ROS1: variants seen among roughly 807,000 people sequenced by gnomAD.
ROS1 encodes the protein proto-oncogene tyrosine-protein kinase ROS.
ROS1 carries 263 observed loss-of-function variants against 273.5 expected under a neutral mutation model. The ratio of observed to expected loss-of-function variants is 0.96; its 90% CI spans 0.87 to 1.06. ROS1 has a LOEUF of 1.06. Among genes scored for constraint, ROS1 ranks in the 50% least tolerant of loss-of-function variants. The pLI is 0.00. For missense variants in ROS1, 2,833 were observed against 2,751.1 expected (o/e 1.03, Z -0.67); for synonymous variants, 1,008 against 954.1 (o/e 1.06, Z -1.04).
chr6:117,342,278 T>C, intron 29 of ROS1, 122 bp downstream of exon 29: 1 of 956,358 alleles, frequency 1.0e-6, no homozygotes, highest in Admixed American at 2.7e-5. Flanking sequence ...TTTTTCTTAT[T>C]AAACTTAAAA....
In ROS1 at chr6:117,389,351, G is replaced by C. The variant is rs2128703474; in HGVS notation, c.1785C>G (p.Ala595=). ...QWKPPALAIG[A]SPSAWQNWTY... ...CCACACTGGGGACAGAGCACTCACT[G>C]GCTCCTATGGCAAGGGCAGGAGGCT... The change falls in exon 13 of 44, where the codon GCC becomes GCG. Residue 595 remains alanine, a splice_region_variant and synonymous_variant. Transcript: ENST00000368507. 1 of 1,611,360 alleles carries C rather than the reference G, an allele frequency of 6.2e-7. No individual in the cohort carries two copies. The highest frequency in any genetic ancestry group is 8.5e-7 in the Non-Finnish European group (1 of 1,178,628).
chr6:117,394,532 T>A, intron 10 of ROS1, 84 bp downstream of exon 10: 1 of 1,181,158 alleles, frequency 8.5e-7, no homozygotes, highest in Admixed American at 2.8e-5. Flanking sequence ...CCAGAAATAT[T>A]CAAAAATTTT....
chr6:117,397,152 A>AT, intron 7 of ROS1, 36 bp from the exon 8 acceptor site: 1 of 1,321,358 alleles, frequency 7.6e-7, no homozygotes, highest in East Asian at 2.3e-5. Context: ...GAGCAGAAAA[A>AT]TGTGCAAGCA....
intron 18 of ROS1, among the ~76,000 whole-genome samples, chr6:117,371,178 A>G (rs941542005): frequency 6.6e-6 from 1 of 152,188 alleles, no homozygotes; most frequent in Admixed American, 6.5e-5. Context: ...ACATACCAGG[A>G]AAGCCGAGAG....
At chr6:117,291,872 A>G (rs184345209) in intron 43 of ROS1, among the ~76,000 whole-genome samples, 1 of 152,316 alleles carries the variant, frequency 6.6e-6, no homozygotes, top group Non-Finnish European at 1.5e-5. Flanking sequence ...GATTTTCTCA[A>G]GGGTCCGTGG....
At chr6:117,346,102 C>A (rs1778350679) in intron 27 of ROS1, among the ~76,000 whole-genome samples, 1 of 152,116 alleles carries the variant, frequency 6.6e-6, no homozygotes, top group African/African-American at 2.4e-5. Flanking sequence ...CTGATCTGAA[C>A]AGAGAATGGG....
intron 21 of ROS1, among the ~76,000 whole-genome samples, chr6:117,364,478 T>G (rs1341627311): frequency 6.6e-6 from 1 of 152,174 alleles, no homozygotes; most frequent in Non-Finnish European, 1.5e-5. Context: ...ATCAAGATAA[T>G]AAGACTTTCC....
intron 43 of ROS1, among the ~76,000 whole-genome samples, chr6:117,299,863 T>C (rs189759473): frequency 6.1e-4 from 93 of 152,230 alleles, no homozygotes; most frequent in South Asian, 1.4e-3. Context: ...TAAGTCTCTT[T>C]ACATTTAAGT....
chr6:117,316,141 G>A (rs9400996), intron 39 of ROS1, among the ~76,000 whole-genome samples: 54,265 of 151,902 alleles, frequency 0.36, 10,071 homozygotes, highest in Middle Eastern at 0.43. Flanking sequence ...TGTGTGTAGC[G>A]TGGTGAGGGA....
chr6:117,370,138 T>G (rs1307374304), intron 18 of ROS1, among the ~76,000 whole-genome samples: 2 of 152,166 alleles, frequency 1.3e-5, no homozygotes, highest in East Asian at 3.8e-4. Flanking sequence ...ACTTGGAGTT[T>G]TTCTACTTAC....
At chr6:117,383,907 T>C (rs955934359) in intron 16 of ROS1, among the ~76,000 whole-genome samples, 3 of 152,228 alleles carry the variant, frequency 2.0e-5, no homozygotes, top group African/African-American at 7.2e-5. Context: ...TCAGTGTAGT[T>C]CCCTAATATT....
chr6:117,343,955 C>A, intron 28 of ROS1, 105 bp downstream of exon 28: 2 of 919,514 alleles, frequency 2.2e-6, no homozygotes, highest in Non-Finnish European at 3.3e-6. Context: ...AAGTTGCGTA[C>A]TAGTCCATTT....
chr6:117,385,971 C>T (rs1247493018), intron 15 of ROS1, 110 bp from the exon 16 acceptor site: 8 of 782,794 alleles, frequency 1.0e-5, no homozygotes, highest in Middle Eastern at 7.3e-4. Context: ...AACACACTGA[C>T]ACATATTCAC....
At chr6:117,378,144 C>A (rs1205040197) in intron 18 of ROS1, among the ~76,000 whole-genome samples, 3 of 152,100 alleles carry the variant, frequency 2.0e-5, no homozygotes, top group Non-Finnish European at 4.4e-5. Context: ...CATCTATCTA[C>A]CCTATCACCC....
intron 35 of ROS1, among the ~76,000 whole-genome samples, 155 bp downstream of exon 35, chr6:117,324,177 G>C (rs1276804144): frequency 3.9e-5 from 6 of 152,078 alleles, no homozygotes; most frequent in African/African-American, 1.4e-4. Flanking sequence ...AGAAGTTAGT[G>C]GTTATAAATG....
chr6:117,375,924 T>C (rs1024953973), intron 18 of ROS1, among the ~76,000 whole-genome samples: 2 of 152,030 alleles, frequency 1.3e-5, no homozygotes, highest in Non-Finnish European at 2.9e-5. Flanking sequence ...TGAAAGAAAC[T>C]CATAGTTTTA....
chr6:117,338,889 G>A (rs1236812160), intron 31 of ROS1, among the ~76,000 whole-genome samples: 4 of 152,246 alleles, frequency 2.6e-5, no homozygotes, highest in African/African-American at 9.6e-5. Context: ...GAGTGAGGGG[G>A]AGTGTGAGCT....
In ROS1 at chr6:117,393,440, C is replaced by T. The variant is rs1773233329; in HGVS notation, c.1192-119G>A. 4 of 679,770 alleles carry T rather than the reference C, an allele frequency of 5.9e-6. No homozygotes were observed. In the Admixed American group the frequency reaches 7.8e-5, roughly 13 times the overall value. 42.1% of individuals were successfully genotyped at this position (679,770 alleles called of 1,614,324 possible). A position where few individuals can be genotyped will look rare whatever the true frequency, so the allele number is the denominator to read the frequency against. The stretch of plus-strand genomic sequence containing the variant: ...AATTGTACTAGGCACTGAGCACTGC[C>T]CAAGACAAATGAGCAAAAAAAAGCC... On this transcript the variant is annotated intron_variant, in intron 11 of 43. Coordinates refer to ENST00000368507, the MANE Select transcript of ROS1 (RefSeq NM_001378902.1).
intron 42 of ROS1, among the ~76,000 whole-genome samples, chr6:117,307,978 G>A (rs951430833): frequency 6.6e-6 from 1 of 152,096 alleles, no homozygotes; most frequent in Non-Finnish European, 1.5e-5. Context: ...CTGAGATGCT[G>A]AAGAGCTGTG....
Sources: gnomAD v4.1 joint callset for allele counts (sites outside exome capture counted in the v4.1 genomes callset) on GRCh38, gnomAD v4.1.1 for gene constraint, MANE v1.5 for transcripts, NCBI Gene and HGNC (gene_info 2026-07-23, HGNC 2026-07-21) for gene names.